The following WDR13 variants were observed in gnomAD, a reference collection of about 807,000 sequenced individuals.
WDR13 encodes the protein WD repeat domain 13.
In WDR13, 1 loss-of-function variant was observed where a neutral mutation model predicts 28.6. The ratio of observed to expected loss-of-function variants is 0.03; its 90% CI spans 0.01 to 0.17. The LOEUF is 0.17. Among genes scored for constraint, WDR13 ranks in the 10% least tolerant of loss-of-function variants. The pLI is 1.00. For missense variants in WDR13, 264 were observed against 469.3 expected (o/e 0.56, Z 4.04); for synonymous variants, 201 against 185.9 (o/e 1.08, Z -0.66).
intron 7 of WDR13, 47 bp from the exon 8 acceptor site, chrX:48,602,018 C>A (rs1556994774): frequency 8.3e-7 from 1 of 1,198,157 alleles, no homozygotes; most frequent in East Asian, 3.0e-5. Context: ...CCTCCCAGGG[C>A]ACAGCCCTCA....
chrX:48,602,578 C>G (rs1296953340), intron 8 of WDR13, among the ~76,000 whole-genome samples: 1 of 94,880 alleles, frequency 1.1e-5, no homozygotes, highest in Non-Finnish European at 2.1e-5. Context: ...GGGTTACTGT[C>G]CCCACTCACA....
In WDR13 at chrX:48,604,893, G is replaced by A. The variant is rs1269348709; in HGVS notation, c.1319G>A (p.Arg440Gln). ...TGCGTGCACTTCTTTGATGTGGAGC[G>A]GGCGGCCAAGGCTGCTGTCAACAAG... ...DMCVHFFDVE[R>Q]AAKAAVNKLQ... The change falls in exon 10 of 10, where the codon CGG (arginine) becomes CAG (glutamine). Residue 440 changes from arginine (R) to glutamine (Q), a missense_variant. Around this residue, in one of 4 missense-constraint regions of WDR13, gnomAD observed 18 missense variants for 61.6 expected, o/e 0.29. Transcript: ENST00000376729. The A allele has an allele frequency of 2.5e-6, 3 of 1,211,457 alleles. No individual in the cohort carries two copies. The highest frequency in any genetic ancestry group is 2.2e-6 in the Non-Finnish European group (2 of 895,128).
chrX:48,597,915 C>T (rs2062153431), intron 1 of WDR13, 43 bp from the exon 2 acceptor site: 2 of 1,143,907 alleles, frequency 1.7e-6, no homozygotes, highest in Non-Finnish European at 2.3e-6. Flanking sequence ...GGAACTAGAT[C>T]CCTTCGCTCG....
Position 48,599,395 on chromosome X carries a change from C to T in WDR13, c.325C>T (p.Arg109Cys). 1.7e-6 allele frequency: 2 copies of T among 1,209,963 alleles called. No individual in the cohort carries two copies. Among genetic ancestry groups the T allele is most frequent in the Non-Finnish European group, 2.2e-6 (2 of 894,378 alleles). ...TCGGGCCCTGGGGGCCCGTGGGCAC[C>T]GTCGTTCTGTCAGCAGAGGCTCCTA... Reference protein sequence around the residue: ...DPRALGARGHRRSVSRGSYQL... With the variant: ...DPRALGARGHCRSVSRGSYQL... Residue 109 changes from arginine (R) to cysteine (C), a missense_variant, in exon 4 of 10, where the codon CGT (arginine) becomes TGT (cysteine). Coordinates refer to ENST00000376729, the MANE Select transcript of WDR13 (RefSeq NM_001347217.2).
Position 48,599,394 on chromosome X carries a change from C to A in WDR13, c.324C>A (p.His108Gln). The A allele has an allele frequency of 1.7e-6, 2 of 1,209,938 alleles. No homozygotes were observed. The highest frequency in any genetic ancestry group is 2.2e-6 in the Non-Finnish European group (2 of 894,418). Residue 108 changes from histidine to glutamine, a missense_variant, in exon 4 of 10, where the codon CAC (histidine) becomes CAA (glutamine). Coordinates refer to ENST00000376729, the MANE Select transcript of WDR13 (RefSeq NM_001347217.2). ...DDPRALGARG[H>Q]RRSVSRGSYQ... ...CTCGGGCCCTGGGGGCCCGTGGGCA[C>A]CGTCGTTCTGTCAGCAGAGGCTCCT...
Position 48,599,205 on chromosome X carries a change from A to G in WDR13, c.283-148A>G, listed in dbSNP as rs782814055. ...GAACAGCAGAACTCGTGAGGAAGCC[A>G]CTGCAGTAGTACAAGTGGGCAGCGG... On this transcript the variant is annotated intron_variant, in intron 3 of 9. Transcript: ENST00000376729. 4 of 610,792 alleles carry G rather than the reference A, an allele frequency of 6.5e-6. No individual in the cohort carries two copies. In the East Asian group the frequency reaches 1.1e-4, roughly 17 times the overall value. The allele number at this position is 610,792 out of a possible 1,213,427, so 50.3% of individuals were successfully genotyped here.
At position 48,601,822 on chromosome X, in the gene WDR13, C is replaced by T. The variant is rs1556994666; in HGVS notation, c.870C>T (p.Ile290=). 8.4e-7 allele frequency: 1 copy of T among 1,194,030 alleles called. No homozygotes were observed. The highest frequency in any genetic ancestry group is 3.0e-5 in the East Asian group (1 of 33,673). Residue 290 remains isoleucine, a synonymous_variant, in exon 7 of 10, where the codon ATC becomes ATT. Transcript: ENST00000376729. ...NAKHNVHVMN[I]STGKKVKGGS... The stretch of plus-strand genomic sequence containing the variant: ...AGCACAACGTGCATGTCATGAACAT[C>T]TCCACAGGCAAGAAAGTGAAGGGGG...
At chrX:48,603,222 TACTC>T (rs782531779) in intron 8 of WDR13, among the ~76,000 whole-genome samples, 15 of 112,478 alleles carry the variant, frequency 1.3e-4, no homozygotes, top group Non-Finnish European at 1.9e-4. Flanking sequence ...TTTGCTGTGT[TACTC>T]AGTCTGGTCT....
At chrX:48,600,122 T>C (rs2062173349) in intron 5 of WDR13, 197 bp from the exon 6 acceptor site, 3 of 443,547 alleles carry the variant, frequency 6.8e-6, no homozygotes, top group Non-Finnish European at 1.1e-5. Context: ...GCAAAGGAGC[T>C]GCTAAGACTT....
At position 48,604,829 on chromosome X, in the gene WDR13, C is replaced by T; in HGVS notation, c.1274-19C>T. ...CACCCCAGGCGCCTCCCGATGGCCTCTCCCTCTCACCCCGACAGTGACGGG... is the reference window on the plus strand; with the variant it reads ...CACCCCAGGCGCCTCCCGATGGCCTTTCCCTCTCACCCCGACAGTGACGGG... On this transcript the variant is annotated intron_variant, in intron 9 of 9. Transcript: ENST00000376729. The T allele has an allele frequency of 2.5e-6, 3 of 1,197,947 alleles. No homozygotes were observed. The highest frequency in any genetic ancestry group is 3.4e-6 in the Non-Finnish European group (3 of 884,722).
At chrX:48,597,829 C>A in intron 1 of WDR13, 129 bp from the exon 2 acceptor site, 2 of 890,769 alleles carry the variant, frequency 2.2e-6, no homozygotes, top group Non-Finnish European at 3.0e-6. Flanking sequence ...CATGGTAACA[C>A]CCGGGGGGGA....
At chrX:48,601,509 G>T (rs1278334277) in intron 6 of WDR13, among the ~76,000 whole-genome samples, 1 of 112,338 alleles carries the variant, frequency 8.9e-6, no homozygotes, top group Non-Finnish European at 1.9e-5. Context: ...CAGGCCCTAT[G>T]GTTCTCACAC....
intron 4 of WDR13, 27 bp downstream of exon 4, chrX:48,599,489 G>A: frequency 1.7e-6 from 2 of 1,205,240 alleles, no homozygotes; most frequent in Non-Finnish European, 2.2e-6. Flanking sequence ...GCCAAGGCGG[G>A]GGGCGGGTTG....
Position 48,600,427 on chromosome X carries a change from G to T in WDR13, c.632G>T (p.Arg211Leu). 8 of 1,212,149 alleles carry T rather than the reference G, an allele frequency of 6.6e-6. No homozygotes were observed. Among genetic ancestry groups the T allele is most frequent in the Non-Finnish European group, 7.8e-6 (7 of 895,671 alleles). ...GTGCCTGCCCCACCCACAGTGCTTCGCGTGCTACGGGGCCACACCCGTGGT... is the reference window on the plus strand; with the variant it reads ...GTGCCTGCCCCACCCACAGTGCTTCTCGTGCTACGGGGCCACACCCGTGGT... ...QLVPAPPTVL[R>L]VLRGHTRGVS... Residue 211 changes from arginine to leucine, a missense_variant, in exon 6 of 10, where the codon CGC becomes CTC. Arg to Leu is a moderately radical substitution (Grantham distance 102). Transcript: ENST00000376729.
chrX:48,601,728 G>C, intron 6 of WDR13, 56 bp from the exon 7 acceptor site: 1 of 1,109,741 alleles, frequency 9.0e-7, no homozygotes, highest in Non-Finnish European at 1.2e-6. Flanking sequence ...ACTGTGGTCA[G>C]ACTCAAGGAG....
At chrX:48,598,579 TCAC>T (rs2062159361) in intron 2 of WDR13, 135 bp from the exon 3 acceptor site, 1 of 1,084,463 alleles carries the variant, frequency 9.2e-7, no homozygotes, top group African/African-American at 1.9e-5. Flanking sequence ...AGGTCCCTCA[TCAC>T]CACTGCTAGT....
At position 48,604,870 on chromosome X, in the gene WDR13, C is replaced by T. The variant is rs369636679; in HGVS notation, c.1296C>T (p.Cys432=). ...CAGTGACGGGCAGTGAGGACATGTG[C>T]GTGCACTTCTTTGATGTGGAGCGGG... The part of the protein sequence containing the change: ...ACVVTGSEDM[C]VHFFDVERAA... Residue 432 remains cysteine, a synonymous_variant, in exon 10 of 10, where the codon TGC becomes TGT. Coordinates refer to ENST00000376729, the MANE Select transcript of WDR13 (RefSeq NM_001347217.2). 8 of 1,208,999 alleles carry T rather than the reference C, an allele frequency of 6.6e-6. No homozygotes were observed. Among genetic ancestry groups the T allele is most frequent in the South Asian group, 3.5e-5 (2 of 56,812 alleles).
At chrX:48,600,905 C>T (rs1432958172) in intron 6 of WDR13, among the ~76,000 whole-genome samples, 1 of 103,419 alleles carries the variant, frequency 9.7e-6, no homozygotes, top group Non-Finnish European at 2.0e-5. Context: ...ACCATCCTGG[C>T]TAACACGGTG....
intron 2 of WDR13, chrX:48,598,391 C>T: frequency 2.0e-6 from 2 of 1,011,600 alleles, no homozygotes; most frequent in Non-Finnish European, 2.5e-6. Context: ...CAACGCTGAC[C>T]CCCATAATGT....
Sources: gnomAD v4.1 joint callset for allele counts (sites outside exome capture counted in the v4.1 genomes callset) on GRCh38, gnomAD v4.1.1 for gene constraint, gnomAD v4.1.1 regional missense constraint, MANE v1.5 for transcripts, NCBI Gene and HGNC (gene_info 2026-07-23, HGNC 2026-07-21) for gene names.